POLR3B: variants seen among roughly 807,000 people sequenced by gnomAD.
POLR3B encodes the protein DNA-directed RNA polymerase III subunit RPC2.
POLR3B carries 96 observed loss-of-function variants against 147.4 expected under a neutral mutation model. The observed-to-expected ratio is 0.65, with a 90% CI of 0.55 to 0.77. The LOEUF is 0.77. POLR3B is among the 30% of genes least tolerant of loss of function. The pLI, the probability that POLR3B is intolerant of heterozygous loss-of-function variation, is 0.00. For synonymous variants in POLR3B, 461 were observed against 485.9 expected (o/e 0.95, Z 0.67); for missense variants, 1,036 against 1,413.5 (o/e 0.73, Z 4.28).
At chr12:106,361,673 T>C (rs2036471158) in intron 1 of POLR3B, among the ~76,000 whole-genome samples, 1 of 152,170 alleles carries the variant, frequency 6.6e-6, no homozygotes, top group African/African-American at 2.4e-5. Context: ...TGGGGGAAGC[T>C]AAACAACACT....
Position 106,483,625 on chromosome 12 carries a change from G to A in POLR3B, c.2714-12430G>A, listed in dbSNP as rs79635591. 0.012 allele frequency among the ~76,000 whole-genome samples: 1,831 copies of A among 152,322 alleles called. 105 individuals are homozygous for A. In the East Asian group the frequency reaches 0.13, roughly 11 times the overall value. On this transcript the variant is annotated intron_variant, in intron 23 of 27. Coordinates refer to ENST00000228347, the MANE Select transcript of POLR3B (RefSeq NM_018082.6). Reference sequence around the variant, plus strand: ...TCTAAATCCATCTTCTAGTATAAGAGTTCTTTTTAGATTATCTTTGGCAGA... The same window carrying A: ...TCTAAATCCATCTTCTAGTATAAGAATTCTTTTTAGATTATCTTTGGCAGA...
At chr12:106,368,306 C>T (rs1302975503) in intron 4 of POLR3B, among the ~76,000 whole-genome samples, 1 of 151,898 alleles carries the variant, frequency 6.6e-6, no homozygotes, top group Non-Finnish European at 1.5e-5. Context: ...GACATGGACA[C>T]TAAGATTTCA....
At chr12:106,447,914 C>T (rs549283021) in intron 19 of POLR3B, among the ~76,000 whole-genome samples, 2 of 152,070 alleles carry the variant, frequency 1.3e-5, no homozygotes, top group Non-Finnish European at 2.9e-5. Flanking sequence ...TAGATAGTTT[C>T]TTCCTTTATG....
intron 23 of POLR3B, among the ~76,000 whole-genome samples, chr12:106,486,842 A>C (rs968939303): frequency 9.9e-5 from 15 of 152,172 alleles, no homozygotes; most frequent in Admixed American, 9.8e-4. Flanking sequence ...AAAATTCAGA[A>C]TCTATCAGGA....
At chr12:106,480,798 C>G (rs2038256213) in intron 23 of POLR3B, among the ~76,000 whole-genome samples, 1 of 151,748 alleles carries the variant, frequency 6.6e-6, no homozygotes, top group Admixed American at 6.6e-5. Flanking sequence ...AGTTCCAACC[C>G]TTGCGGGGCT....
chr12:106,393,558 C>CT (rs1159583010), intron 10 of POLR3B, among the ~76,000 whole-genome samples: 1 of 137,052 alleles, frequency 7.3e-6, no homozygotes, highest in Non-Finnish European at 1.6e-5. Flanking sequence ...TCTTTAATAT[C>CT]TTTTTTTATT....
intron 26 of POLR3B, 109 bp from the exon 27 acceptor site, chr12:106,503,972 T>C: frequency 3.0e-6 from 3 of 984,330 alleles, no homozygotes; most frequent in African/African-American, 1.6e-5. Flanking sequence ...TTGATTTGGA[T>C]CCAGATGAGC....
intron 27 of POLR3B, chr12:106,507,769 C>G (rs1173782008): frequency 2.2e-6 from 1 of 455,880 alleles, no homozygotes; most frequent in Non-Finnish European, 4.4e-6. Context: ...TAGTTACCAC[C>G]ACCACGTGCA....
At chr12:106,431,952 T>C (rs988292382) in intron 14 of POLR3B, among the ~76,000 whole-genome samples, 1 of 152,214 alleles carries the variant, frequency 6.6e-6, no homozygotes, top group Non-Finnish European at 1.5e-5. Context: ...AATGTTTTCC[T>C]TTACTTATTT....
chr12:106,459,054 T>C (rs2037900903), intron 21 of POLR3B, among the ~76,000 whole-genome samples, 197 bp from the exon 22 acceptor site: 1 of 152,052 alleles, frequency 6.6e-6, no homozygotes, highest in African/African-American at 2.4e-5. Context: ...GGTGTGTGAG[T>C]CTCACTCTGT....
At chr12:106,461,962 A>T (rs1053893463) in intron 22 of POLR3B, among the ~76,000 whole-genome samples, 12 of 152,154 alleles carry the variant, frequency 7.9e-5, no homozygotes, top group Non-Finnish European at 1.8e-4. Flanking sequence ...GCACTTGGAC[A>T]GCTTTACAGT....
chr12:106,499,949 T>G (rs529596498), intron 25 of POLR3B: 16 of 354,380 alleles, frequency 4.5e-5, no homozygotes, highest in South Asian at 3.2e-4. Context: ...GTCTGTTGTT[T>G]CCTTTACTTT....
At chr12:106,444,633 TA>T (rs749911058) in intron 19 of POLR3B, 43 bp downstream of exon 19, 1 of 1,603,726 alleles carries the variant, frequency 6.2e-7, no homozygotes, top group Non-Finnish European at 8.5e-7. Flanking sequence ...TACTTGGAAA[TA>T]CTTTTGGAAA....
chr12:106,376,427 TGAAC>T lies in POLR3B; in HGVS notation c.477_480del (p.Glu160ValfsTer3). The stretch of plus-strand genomic sequence containing the variant: ...AAAACGCCAGCAGAATTTGCCAAAC[TGAAC>T]GAATGTCCCTTAGATCCAGGTATGT... On this transcript the variant is annotated frameshift_variant, in exon 7 of 28. Coordinates refer to ENST00000228347, the MANE Select transcript of POLR3B (RefSeq NM_018082.6). LOFTEE classifies it high-confidence loss of function. 1 of 1,612,726 alleles carries T rather than the reference TGAAC, an allele frequency of 6.2e-7. No individual in the cohort carries two copies. Among genetic ancestry groups the T allele is most frequent in the Non-Finnish European group, 8.5e-7 (1 of 1,179,006 alleles).
At chr12:106,496,679 G>C (rs1326116120) in intron 24 of POLR3B, 73 bp from the exon 25 acceptor site, 1 of 1,287,402 alleles carries the variant, frequency 7.8e-7, no homozygotes, top group East Asian at 2.3e-5. Context: ...GGGGAAATGA[G>C]CTGGAGATAA....
In POLR3B at chr12:106,457,223, C is replaced by T. The variant is rs766980809; in HGVS notation, c.2379C>T (p.Pro793=). 6.2e-7 allele frequency: 1 copy of T among 1,612,962 alleles called. No homozygotes were observed. The highest frequency in any genetic ancestry group is 8.5e-7 in the Non-Finnish European group (1 of 1,179,026). Residue 793 remains proline (P), a synonymous_variant, in exon 21 of 28, where the codon CCC becomes CCT. Transcript: ENST00000228347. ...AGACTTTTGATAAAGTGATGGGGCC[C>T]ATGTTGGATGCTGCTACAAGGAAAC... ...TNQTFDKVMG[P]MLDAATRKPI... is the part of the protein sequence containing the mutation.
chr12:106,373,609 CT>C (rs2036638455), intron 6 of POLR3B, among the ~76,000 whole-genome samples: 1 of 152,048 alleles, frequency 6.6e-6, no homozygotes, highest in Admixed American at 6.6e-5. Context: ...CAAAAATTAA[CT>C]GGGTGTGGTG....
intron 1 of POLR3B, among the ~76,000 whole-genome samples, chr12:106,359,412 A>G (rs941194779): frequency 1.3e-5 from 2 of 149,496 alleles, no homozygotes; most frequent in Non-Finnish European, 3.0e-5. Context: ...GCTGACTGCA[A>G]CCTCTGCCTC....
intron 18 of POLR3B, among the ~76,000 whole-genome samples, chr12:106,440,711 A>G (rs963270328): frequency 5.7e-5 from 8 of 140,788 alleles, no homozygotes; most frequent in Admixed American, 5.7e-4. Context: ...ATCTCTATCC[A>G]CTCCTCTTTA....
Sources: gnomAD v4.1 joint callset for allele counts (sites outside exome capture counted in the v4.1 genomes callset) on GRCh38, gnomAD v4.1.1 for gene constraint, MANE v1.5 for transcripts, NCBI Gene and HGNC (gene_info 2026-07-23, HGNC 2026-07-21) for gene names.